The following RAB38 variants were observed in gnomAD, a reference collection of about 807,000 sequenced individuals.
The protein encoded by RAB38 is RAB38, member RAS oncogene family, also known as ras-related protein Rab-38.
Under a neutral mutation model 18.4 loss-of-function variants are expected in RAB38, and 15 were observed. The observed-to-expected ratio is 0.82, with a 90% CI of 0.55 to 1.26. The LOEUF is 1.26. Ranked by LOEUF, RAB38 falls within the 50% of genes most tolerant of loss-of-function variation. The pLI is 0.00. For missense variants in RAB38, 294 were observed against 267.4 expected, an observed-to-expected ratio of 1.10 and a Z score of -0.69; for synonymous variants, 101 against 104.4, an observed-to-expected ratio of 0.97 and a Z score of 0.20.
the RAB38 span, among the ~76,000 whole-genome samples, chr11:87,833,636 C>T: frequency 6.6e-6 from 1 of 152,194 alleles, no homozygotes; most frequent in Non-Finnish European, 1.5e-5. Flanking sequence ...CTTGTAAGTA[C>T]TGTTATCACC....
the RAB38 span, chr11:87,817,458 A>G: frequency 1.3e-5 from 2 of 152,184 alleles, no homozygotes; most frequent in African/African-American, 4.8e-5. Context: ...TGTTTAAAAT[A>G]TTGATAAATC....
chr11:88,040,588 C>T, the RAB38 span, among the ~76,000 whole-genome samples: 14 of 152,100 alleles, frequency 9.2e-5, no homozygotes, highest in African/African-American at 3.1e-4. Flanking sequence ...GCCTGTAGTC[C>T]CGCATAGTCC....
the RAB38 span, among the ~76,000 whole-genome samples, chr11:87,962,524 T>C: frequency 6.6e-6 from 1 of 152,078 alleles, no homozygotes; most frequent in African/African-American, 2.4e-5. Context: ...GGAAGAAGGA[T>C]ATGCTGGTCA....
At chr11:87,866,199 G>T in the RAB38 span, among the ~76,000 whole-genome samples, 3 of 151,640 alleles carry the variant, frequency 2.0e-5, no homozygotes, top group African/African-American at 7.3e-5. Context: ...TGGGAAGACA[G>T]ATAGAGAATA....
chr11:88,029,255 G>A, the RAB38 span, among the ~76,000 whole-genome samples: 1 of 151,936 alleles, frequency 6.6e-6, no homozygotes, highest in Non-Finnish European at 1.5e-5. Context: ...GGAACAACCG[G>A]TACCAGCTGC....
chr11:87,975,628 C>A, the RAB38 span, among the ~76,000 whole-genome samples: 2 of 151,630 alleles, frequency 1.3e-5, no homozygotes, highest in Non-Finnish European at 2.9e-5. Context: ...ATAACATATG[C>A]AGAAGTAAAA....
At chr11:87,935,667 A>G in the RAB38 span, among the ~76,000 whole-genome samples, 2 of 152,122 alleles carry the variant, frequency 1.3e-5, no homozygotes, top group African/African-American at 4.8e-5. Flanking sequence ...AATACAATCA[A>G]GATGTTGACA....
chr11:88,093,778 A>T, the RAB38 span, among the ~76,000 whole-genome samples: 1 of 151,938 alleles, frequency 6.6e-6, no homozygotes, highest in Non-Finnish European at 1.5e-5. Flanking sequence ...AGCATCACTG[A>T]CAGATTCTAT....
the RAB38 span, among the ~76,000 whole-genome samples, chr11:87,904,010 CTATT>C: frequency 6.6e-6 from 1 of 151,120 alleles, no homozygotes; most frequent in Non-Finnish European, 1.5e-5. Flanking sequence ...TATTTGTTTT[CTATT>C]TATTTTATGG....
chr11:88,026,562 C>CAAAAAAAAAA, the RAB38 span, among the ~76,000 whole-genome samples: 1 of 54,252 alleles, frequency 1.8e-5, no homozygotes, highest in Non-Finnish European at 3.4e-5. Context: ...GACTCTGTCA[C>CAAAAAAAAAA]AAAAAAAAAA....
At chr11:88,083,264 C>G in the RAB38 span, among the ~76,000 whole-genome samples, 1 of 151,712 alleles carries the variant, frequency 6.6e-6, no homozygotes, top group East Asian at 1.9e-4. Flanking sequence ...AATATTTCCC[C>G]GAATCTGAGA....
intron 1 of RAB38, among the ~76,000 whole-genome samples, chr11:88,167,935 A>G (rs936043238): frequency 7.9e-5 from 12 of 152,220 alleles, no homozygotes; most frequent in African/African-American, 2.9e-4. Flanking sequence ...CTAAGAAAGT[A>G]ACATAAATAA....
the RAB38 span, among the ~76,000 whole-genome samples, chr11:87,949,644 T>C: frequency 6.6e-6 from 1 of 152,360 alleles, no homozygotes; most frequent in South Asian, 2.1e-4. Flanking sequence ...CATTTCATTA[T>C]GTACCCACTA....
the RAB38 span, among the ~76,000 whole-genome samples, chr11:88,028,517 T>C: frequency 6.6e-6 from 1 of 151,914 alleles, no homozygotes; most frequent in Non-Finnish European, 1.5e-5. Flanking sequence ...GCATAACCAA[T>C]ACAGAGAAGT....
At chr11:88,142,215 T>G (rs891010175) in intron 2 of RAB38, among the ~76,000 whole-genome samples, 5 of 152,196 alleles carry the variant, frequency 3.3e-5, no homozygotes, top group Non-Finnish European at 7.4e-5. Flanking sequence ...TTTTACCAGA[T>G]AGCTAGGGGT....
chr11:87,837,479 C>A, the RAB38 span, among the ~76,000 whole-genome samples: 2 of 152,234 alleles, frequency 1.3e-5, no homozygotes, highest in South Asian at 2.1e-4. Flanking sequence ...AGCTTCTAGA[C>A]CTTCATAAGC....
intron 2 of RAB38, among the ~76,000 whole-genome samples, chr11:88,138,968 T>C (rs911070141): frequency 2.6e-5 from 4 of 151,962 alleles, no homozygotes; most frequent in African/African-American, 9.7e-5. Flanking sequence ...GTATTTTTAG[T>C]AGCGACGGTG....
chr11:88,028,062 A>G, the RAB38 span, among the ~76,000 whole-genome samples: 117,053 of 152,038 alleles, frequency 0.77, 45,568 homozygotes, highest in African/African-American at 0.88. Context: ...AGCAGCATGC[A>G]CGGTTCAAGA....
chr11:88,016,032 T>C, the RAB38 span, among the ~76,000 whole-genome samples: 114 of 152,216 alleles, frequency 7.5e-4, no homozygotes, highest in African/African-American at 2.6e-3. Context: ...AATCTCCATA[T>C]AGAAAAAAGC....
Sources: allele counts gnomAD v4.1 joint callset (sites outside exome capture counted in the v4.1 genomes callset), GRCh38; gene constraint gnomAD v4.1.1; transcripts MANE v1.5; gene names NCBI Gene and HGNC (gene_info 2026-07-23, HGNC 2026-07-21).